The following SLC44A5 variants were observed in gnomAD, a reference collection of about 807,000 sequenced individuals.
SLC44A5 encodes solute carrier family 44 member 5.
In SLC44A5, 57 loss-of-function variants were observed where a neutral mutation model predicts 101.8. The ratio of observed to expected loss-of-function variants is 0.56; its 90% CI spans 0.45 to 0.70. The LOEUF is 0.70. Among genes scored for constraint, SLC44A5 ranks in the 30% least tolerant of loss-of-function variants. The probability of loss-of-function intolerance (pLI) is 0.00; values close to 1 mark genes in which losing one functional copy is unlikely to be tolerated. For synonymous variants in SLC44A5, 281 were observed against 290.9 expected (o/e 0.97, Z 0.35); for missense variants, 737 against 853.1 (o/e 0.86, Z 1.70).
chr1:75,330,064 C>A (rs745793765), intron 4 of SLC44A5, among the ~76,000 whole-genome samples: 4 of 150,808 alleles, frequency 2.7e-5, no homozygotes, highest in African/African-American at 7.3e-5. Context: ...GTCTTTCCTA[C>A]GCTAGAATAA....
the SLC44A5 span, among the ~76,000 whole-genome samples, chr1:75,701,148 C>T: frequency 6.6e-6 from 1 of 152,304 alleles, no homozygotes; most frequent in South Asian, 2.1e-4. Context: ...TCCTCCCTAA[C>T]TCATTTTATG....
the SLC44A5 span, among the ~76,000 whole-genome samples, chr1:75,668,697 A>G: frequency 6.6e-6 from 1 of 151,496 alleles, no homozygotes; most frequent in Non-Finnish European, 1.5e-5. Flanking sequence ...GACTGTGTGA[A>G]GAAAACAGAC....
At chr1:75,343,359 A>C (rs1658022351) in intron 3 of SLC44A5, among the ~76,000 whole-genome samples, 1 of 152,172 alleles carries the variant, frequency 6.6e-6, no homozygotes, top group African/African-American at 2.4e-5. Context: ...CATGAAGATT[A>C]AGGAAAATAG....
At chr1:75,371,182 C>T (rs192923113) in intron 3 of SLC44A5, among the ~76,000 whole-genome samples, 19 of 152,228 alleles carry the variant, frequency 1.2e-4, no homozygotes, top group Admixed American at 2.6e-4. Flanking sequence ...TACATTCACC[C>T]CATTTGCGAA....
At chr1:75,246,287 G>A (rs960539311) in intron 7 of SLC44A5, among the ~76,000 whole-genome samples, 5 of 151,936 alleles carry the variant, frequency 3.3e-5, no homozygotes, top group Non-Finnish European at 5.9e-5. Flanking sequence ...TATGAAACAA[G>A]AAAAAAGCAT....
the SLC44A5 span, among the ~76,000 whole-genome samples, chr1:75,665,140 G>A: frequency 6.6e-6 from 1 of 151,770 alleles, no homozygotes. Context: ...ACAAAAAAAA[G>A]AACTCAAATA....
At chr1:75,329,166 A>T (rs1656832404) in intron 4 of SLC44A5, among the ~76,000 whole-genome samples, 1 of 152,224 alleles carries the variant, frequency 6.6e-6, no homozygotes, top group Non-Finnish European at 1.5e-5. Flanking sequence ...TGGTCATTTC[A>T]GAGTTACTCT....
At chr1:75,410,311 T>C (rs1046864328) in intron 2 of SLC44A5, among the ~76,000 whole-genome samples, 1 of 152,108 alleles carries the variant, frequency 6.6e-6, no homozygotes, top group African/African-American at 2.4e-5. Context: ...CATTTCTGAA[T>C]TATTCATGCA....
At chr1:75,465,975 T>C (rs763345747) in intron 2 of SLC44A5, among the ~76,000 whole-genome samples, 5 of 152,148 alleles carry the variant, frequency 3.3e-5, no homozygotes, top group Non-Finnish European at 7.4e-5. Flanking sequence ...TCGATTTTCC[T>C]CAAACTATTC....
Position 75,243,025 on chromosome 1 carries a change from A to G in SLC44A5, c.346-14T>C. The G allele has an allele frequency of 1.2e-6, 2 of 1,608,034 alleles. No individual in the cohort carries two copies. The highest frequency in any genetic ancestry group is 1.7e-6 in the Non-Finnish European group (2 of 1,177,282). ...GGAGACACAGATCTGTGAACGAACA[A>G]AGTGATGAGAACTGAACTGAGTTGA... On this transcript the variant is annotated splice_polypyrimidine_tract_variant and intron_variant, in intron 7 of 23. Coordinates refer to ENST00000370859, the MANE Select transcript of SLC44A5 (RefSeq NM_001130058.2).
chr1:75,447,552 A>C (rs1259746107), intron 2 of SLC44A5, among the ~76,000 whole-genome samples: 1 of 152,190 alleles, frequency 6.6e-6, no homozygotes, highest in Non-Finnish European at 1.5e-5. Context: ...TTGAAAGGAA[A>C]GAGGGTTTAT....
intron 3 of SLC44A5, among the ~76,000 whole-genome samples, chr1:75,385,430 C>A (rs1160002532): frequency 1.3e-5 from 2 of 152,104 alleles, no homozygotes; most frequent in Non-Finnish European, 2.9e-5. Flanking sequence ...CTACAAATAT[C>A]TCTACGCAAA....
chr1:75,275,414 C>T (rs1651838563), intron 5 of SLC44A5, among the ~76,000 whole-genome samples: 1 of 152,112 alleles, frequency 6.6e-6, no homozygotes, highest in Non-Finnish European at 1.5e-5. Flanking sequence ...AATACATTTA[C>T]AGTAAATAAT....
At chr1:75,209,312 A>G (rs1187309618) in intron 23 of SLC44A5, among the ~76,000 whole-genome samples, 2 of 152,238 alleles carry the variant, frequency 1.3e-5, no homozygotes, top group East Asian at 3.8e-4. Context: ...ACAAATTTTC[A>G]TAAGTATTTT....
chr1:75,446,450 C>T (rs531070458), intron 2 of SLC44A5, among the ~76,000 whole-genome samples: 1 of 152,276 alleles, frequency 6.6e-6, no homozygotes, highest in Admixed American at 6.5e-5. Context: ...GCCTAAATAT[C>T]ACCTCTTCGA....
At chr1:75,720,640 A>T in the SLC44A5 span, among the ~76,000 whole-genome samples, 1 of 152,230 alleles carries the variant, frequency 6.6e-6, no homozygotes. Flanking sequence ...CAAAGAGTCA[A>T]ACTTTGTAAA....
intron 12 of SLC44A5, among the ~76,000 whole-genome samples, chr1:75,232,923 G>A (rs1647719010): frequency 6.6e-6 from 1 of 152,146 alleles, no homozygotes; most frequent in East Asian, 1.9e-4. Flanking sequence ...CTTCTTCATT[G>A]AATGACAGAA....
intron 3 of SLC44A5, among the ~76,000 whole-genome samples, chr1:75,351,150 T>A (rs1164558107): frequency 1.3e-5 from 2 of 151,790 alleles, no homozygotes; most frequent in Non-Finnish European, 2.9e-5. Flanking sequence ...AAGGTTCAGT[T>A]AACTAGGAAG....
At chr1:75,481,881 G>A (rs1667879306) in intron 2 of SLC44A5, among the ~76,000 whole-genome samples, 1 of 151,820 alleles carries the variant, frequency 6.6e-6, no homozygotes, top group Admixed American at 6.6e-5. Flanking sequence ...GAAATTTCTA[G>A]ATTTTGACTA....
Sources: allele counts gnomAD v4.1 joint callset (sites outside exome capture counted in the v4.1 genomes callset), GRCh38; gene constraint gnomAD v4.1.1; transcripts MANE v1.5; gene names NCBI Gene and HGNC (gene_info 2026-07-23, HGNC 2026-07-21).